The following DLGAP2 variants were observed in gnomAD, a reference collection of about 807,000 sequenced individuals.
DLGAP2 encodes the protein DLG associated protein 2, also known as disks large-associated protein 2.
In DLGAP2, 26 loss-of-function variants were observed where a neutral mutation model predicts 100.3. That is an observed-to-expected ratio of 0.26 (90% CI 0.19 to 0.36). The LOEUF is 0.36. Ranked by LOEUF, DLGAP2 falls within the 10% of genes least tolerant of loss-of-function variation. The pLI is 1.00. For missense variants in DLGAP2, 1,858 were observed against 1,453.2 expected, an observed-to-expected ratio of 1.28 and a Z score of -4.53; for synonymous variants, 886 against 630.1, an observed-to-expected ratio of 1.41 and a Z score of -6.08.
At chr8:1,566,941 C>G (rs965905830) in intron 6 of DLGAP2, among the ~76,000 whole-genome samples, 1 of 152,234 alleles carries the variant, frequency 6.6e-6, no homozygotes, top group Non-Finnish European at 1.5e-5. Context: ...AAGTCATGCC[C>G]TGAGACCGGG....
intron 1 of DLGAP2, among the ~76,000 whole-genome samples, chr8:872,937 G>A (rs1163499593): frequency 6.6e-6 from 1 of 152,110 alleles, no homozygotes; most frequent in Non-Finnish European, 1.5e-5. Flanking sequence ...GATGGCAAAA[G>A]GCTATTTTTG....
At chr8:993,449 TGCA>T (rs1309370854) in intron 2 of DLGAP2, among the ~76,000 whole-genome samples, 458 of 30,084 alleles carry the variant, frequency 0.015, 194 homozygotes, top group African/African-American at 0.047. Context: ...CCAGACCCCC[TGCA>T]CCCCCATACT....
At chr8:1,472,786 T>C (rs1322840393) in intron 3 of DLGAP2, among the ~76,000 whole-genome samples, 3 of 152,160 alleles carry the variant, frequency 2.0e-5, no homozygotes. Flanking sequence ...TGAGTTGAAC[T>C]CCCATAAAAT....
chr8:1,588,035 TA>T (rs1796177747), intron 6 of DLGAP2, among the ~76,000 whole-genome samples: 1 of 152,222 alleles, frequency 6.6e-6, no homozygotes, highest in South Asian at 2.1e-4. Flanking sequence ...ACGTGACTCC[TA>T]ATAGAGTTCT....
At chr8:742,885 G>C (rs1203105501) in intron 1 of DLGAP2, among the ~76,000 whole-genome samples, 3 of 152,118 alleles carry the variant, frequency 2.0e-5, no homozygotes, top group Non-Finnish European at 2.9e-5. Context: ...ATATTAACTT[G>C]ATAGGGTTAA....
chr8:1,339,575 G>C (rs1026214800), intron 3 of DLGAP2, among the ~76,000 whole-genome samples: 1 of 152,218 alleles, frequency 6.6e-6, no homozygotes, highest in Non-Finnish European at 1.5e-5. Context: ...ATTTCTCAGT[G>C]TATTATTTTT....
At chr8:848,918 ACGCGCGGTGCCTGTTC>A (rs1563061914) in intron 1 of DLGAP2, among the ~76,000 whole-genome samples, 1 of 96,148 alleles carries the variant, frequency 1.0e-5, no homozygotes, top group Non-Finnish European at 2.2e-5. Context: ...CAGCATAGGA[ACGCGCGGTGCCTGTTC>A]CAGCATAGGA....
At chr8:1,384,325 G>A (rs889454109) in intron 3 of DLGAP2, among the ~76,000 whole-genome samples, 2 of 148,716 alleles carry the variant, frequency 1.3e-5, no homozygotes, top group Admixed American at 1.3e-4. Flanking sequence ...TTGGTGCACA[G>A]TTACCCCGGC....
intron 2 of DLGAP2, among the ~76,000 whole-genome samples, chr8:1,089,407 G>T: frequency 6.6e-6 from 1 of 152,268 alleles, no homozygotes; most frequent in East Asian, 1.9e-4. Context: ...ACTCATAACC[G>T]TGGGCTGGTG....
At chr8:768,643 C>T (rs112788651) in intron 1 of DLGAP2, among the ~76,000 whole-genome samples, 6 of 151,842 alleles carry the variant, frequency 4.0e-5, no homozygotes, top group African/African-American at 4.8e-5. Context: ...CCAGGATGGT[C>T]TTGACCTCCT....
At chr8:1,234,178 C>T (rs748817556) in intron 2 of DLGAP2, among the ~76,000 whole-genome samples, 5 of 152,212 alleles carry the variant, frequency 3.3e-5, no homozygotes, top group African/African-American at 9.6e-5. Context: ...AAGTCCTGTG[C>T]GGCTGTTGTC....
rs1198144458 is a variant in DLGAP2 at position 1,632,953 on chromosome 8, C to T, written c.1717C>T (p.Leu573Phe). ...TTTCCGAACAAGGAGTCACAGCTACCTTCGAGCCATTCAAGCCGGCTACTC... is the reference window on the plus strand; with the variant it reads ...TTTCCGAACAAGGAGTCACAGCTACTTTCGAGCCATTCAAGCCGGCTACTC... The part of the protein sequence containing the change: ...GCFRTRSHSY[L>F]RAIQAGYSQD... Residue 573 changes from leucine (L) to phenylalanine (F), a missense_variant, in exon 8 of 15, where the codon CTT (leucine) becomes TTT (phenylalanine). Coordinates refer to ENST00000637795, the MANE Select transcript of DLGAP2 (RefSeq NM_001346810.2). 6.2e-7 allele frequency: 1 copy of T among 1,613,886 alleles called. No homozygotes were observed. The highest frequency in any genetic ancestry group is 1.3e-5 in the African/African-American group (1 of 74,910).
intron 3 of DLGAP2, among the ~76,000 whole-genome samples, chr8:1,282,450 C>G (rs1332528371): frequency 7.8e-6 from 1 of 128,348 alleles, no homozygotes; most frequent in African/African-American, 2.8e-5. Flanking sequence ...TGACCTGAAC[C>G]CAGCACATGA....
intron 2 of DLGAP2, among the ~76,000 whole-genome samples, chr8:1,208,365 T>G (rs1798038837): frequency 6.6e-6 from 1 of 152,182 alleles, no homozygotes; most frequent in Admixed American, 6.5e-5. Flanking sequence ...AAAGATCAGT[T>G]GGCTGTAAAA....
rs139772807 is a variant in DLGAP2 at position 1,110,219 on chromosome 8, T to C, written c.74-148632T>C. On this transcript the variant is annotated intron_variant, in intron 2 of 14. Coordinates refer to ENST00000637795, the MANE Select transcript of DLGAP2 (RefSeq NM_001346810.2). ...ATGTGCTGGATCTGTGAGGTGTGCATGGGTCTGTGACGTGTGCTGGATCTG... is the reference window on the plus strand; with the variant it reads ...ATGTGCTGGATCTGTGAGGTGTGCACGGGTCTGTGACGTGTGCTGGATCTG... Among the ~76,000 whole-genome samples, 661 of 110,744 alleles carry C rather than the reference T, an allele frequency of 6.0e-3. 11 individuals are homozygous for C. Among genetic ancestry groups the C allele is most frequent in the African/African-American group, 0.012 (301 of 25,978 alleles). 72.7% of individuals were successfully genotyped at this position (110,744 alleles called of 152,430 possible). A position where few individuals can be genotyped will look rare whatever the true frequency, so the allele number is the denominator to read the frequency against.
intron 2 of DLGAP2, among the ~76,000 whole-genome samples, chr8:1,031,704 A>G (rs1327082218): frequency 6.6e-6 from 1 of 152,242 alleles, no homozygotes; most frequent in Non-Finnish European, 1.5e-5. Context: ...ATGGAAAAAA[A>G]ATAATGACCC....
intron 8 of DLGAP2, among the ~76,000 whole-genome samples, chr8:1,660,588 T>G (rs1798386634): frequency 6.6e-6 from 1 of 152,258 alleles, no homozygotes; most frequent in African/African-American, 2.4e-5. Context: ...TAAATGTTTC[T>G]TTAACTTCTA....
chr8:1,650,380 A>G (rs1798135165), intron 8 of DLGAP2, among the ~76,000 whole-genome samples: 1 of 152,228 alleles, frequency 6.6e-6, no homozygotes, highest in Non-Finnish European at 1.5e-5. Flanking sequence ...TATGATTCAT[A>G]AAATAGTCAA....
intron 6 of DLGAP2, among the ~76,000 whole-genome samples, chr8:1,586,673 G>A (rs778259554): frequency 2.0e-5 from 3 of 152,228 alleles, no homozygotes; most frequent in South Asian, 2.1e-4. Flanking sequence ...GAGGTACCAC[G>A]TGCGTCCTTC....
Sources: gnomAD v4.1 joint callset for allele counts (sites outside exome capture counted in the v4.1 genomes callset) on GRCh38, gnomAD v4.1.1 for gene constraint, MANE v1.5 for transcripts, NCBI Gene and HGNC (gene_info 2026-07-23, HGNC 2026-07-21) for gene names.